LPCAT3: variants seen among roughly 807,000 people sequenced by gnomAD.
LPCAT3 encodes lysophospholipid acyltransferase 5.
In LPCAT3, 21 loss-of-function variants were observed where a neutral mutation model predicts 63.4. The ratio of observed to expected loss-of-function variants is 0.33; its 90% CI spans 0.23 to 0.48. LPCAT3 has a LOEUF of 0.48. Ranked by LOEUF, LPCAT3 falls within the 20% of genes least tolerant of loss-of-function variation. The pLI, the probability that LPCAT3 is intolerant of heterozygous loss-of-function variation, is 0.99. For synonymous variants in LPCAT3, 242 were observed against 227.5 expected (o/e 1.06, Z -0.58); for missense variants, 451 against 590.6 (o/e 0.76, Z 2.45).
intron 1 of LPCAT3, among the ~76,000 whole-genome samples, chr12:7,012,538 C>A (rs1213263420): frequency 6.6e-6 from 1 of 152,162 alleles, no homozygotes; most frequent in Non-Finnish European, 1.5e-5. Flanking sequence ...TAATAAATGC[C>A]AGCTATTACT....
chr12:7,000,805 C>G (rs1946679804), intron 1 of LPCAT3, among the ~76,000 whole-genome samples: 3 of 151,598 alleles, frequency 2.0e-5, no homozygotes, highest in African/African-American at 7.3e-5. Context: ...CTCCCGGGTT[C>G]ACGCCATTCT....
chr12:6,986,157 TTGATCAACACA>T (rs1946523963), intron 1 of LPCAT3, among the ~76,000 whole-genome samples: 9 of 152,122 alleles, frequency 5.9e-5, no homozygotes, highest in Non-Finnish European at 1.5e-5. Flanking sequence ...TAGTTGACCC[TTGATCAACACA>T]ATTTTGAACA....
intron 1 of LPCAT3, among the ~76,000 whole-genome samples, chr12:7,000,603 AAAAG>A (rs1306089173): frequency 6.6e-6 from 1 of 151,514 alleles, no homozygotes; most frequent in Non-Finnish European, 1.5e-5. Context: ...AAAAAAAAAA[AAAAG>A]CGAAAATATT....
intron 1 of LPCAT3, among the ~76,000 whole-genome samples, chr12:7,009,341 G>C (rs1204461394): frequency 2.6e-5 from 4 of 152,178 alleles, no homozygotes; most frequent in African/African-American, 9.7e-5. Context: ...GATTACAGGC[G>C]TGAGCCACCG....
chr12:7,007,470 C>T (rs1332343914), intron 1 of LPCAT3, among the ~76,000 whole-genome samples: 2 of 149,182 alleles, frequency 1.3e-5, no homozygotes, highest in Non-Finnish European at 3.0e-5. Flanking sequence ...TCAGTACTGA[C>T]AAGCATCTTT....
At chr12:7,015,906 C>G (rs2138364830) in intron 1 of LPCAT3, among the ~76,000 whole-genome samples, 1 of 152,216 alleles carries the variant, frequency 6.6e-6, no homozygotes, top group South Asian at 2.1e-4. Context: ...CAGGAGTGCA[C>G]AGGCAATATG....
chr12:7,013,307 G>A (rs1448988676), intron 1 of LPCAT3, among the ~76,000 whole-genome samples: 3 of 152,204 alleles, frequency 2.0e-5, no homozygotes, highest in Admixed American at 6.5e-5. Flanking sequence ...TGCTTGGGAC[G>A]AGGCTGGGGC....
rs782472533 is a variant in LPCAT3 at position 6,990,559 on chromosome 12, A to AAATG, written c.152-7021_152-7020insCATT. On this transcript the variant is annotated intron_variant, in intron 1 of 12. Transcript: ENST00000261407. ...TAAATAAATAAATAAATAAATAAATAAATAAATTGAGCACCCCAAACAACT... is the reference window on the plus strand; with the variant it reads ...TAAATAAATAAATAAATAAATAAATAAATGAATAAATTGAGCACCCCAAACAACT... Among the ~76,000 whole-genome samples the AAATG allele has an allele frequency of 6.3e-4, 92 of 145,772 alleles. 1 individual carries two copies. The highest frequency in any genetic ancestry group is 1.7e-3 in the Admixed American group (25 of 14,882).
chr12:7,013,660 C>T (rs984291079), intron 1 of LPCAT3, among the ~76,000 whole-genome samples: 9 of 151,834 alleles, frequency 5.9e-5, no homozygotes, highest in Non-Finnish European at 8.8e-5. Context: ...ATCTACCTTT[C>T]AAAAGGTTCC....
At chr12:6,992,321 C>T (rs1448344817) in intron 1 of LPCAT3, among the ~76,000 whole-genome samples, 4 of 151,144 alleles carry the variant, frequency 2.6e-5, no homozygotes, top group African/African-American at 9.7e-5. Flanking sequence ...TAAGACCCTG[C>T]CTCAAAAAAA....
chr12:7,000,814 C>G (rs1172308808), intron 1 of LPCAT3, among the ~76,000 whole-genome samples: 2 of 151,702 alleles, frequency 1.3e-5, no homozygotes, highest in African/African-American at 4.8e-5. Context: ...TCACGCCATT[C>G]TCCTGCCTCA....
chr12:6,981,646 G>A lies in LPCAT3; in HGVS notation c.461-14C>T, dbSNP rs1393337868. On this transcript the variant is annotated splice_polypyrimidine_tract_variant and intron_variant, in intron 4 of 12. Coordinates refer to ENST00000261407, the MANE Select transcript of LPCAT3 (RefSeq NM_005768.6). Reference sequence around the variant, plus strand: ...CAACAGCCAAACCTGAGCAGAGAGAGAACGGATGGGTAGGGTGGTGGGAGA... The same window carrying A: ...CAACAGCCAAACCTGAGCAGAGAGAAAACGGATGGGTAGGGTGGTGGGAGA... The A allele has an allele frequency of 1.3e-6, 2 of 1,596,708 alleles. No individual in the cohort carries two copies. Among genetic ancestry groups the A allele is most frequent in the Non-Finnish European group, 1.7e-6 (2 of 1,169,124 alleles).
At chr12:6,997,236 G>C (rs1003651264) in intron 1 of LPCAT3, 1 of 152,084 alleles carries the variant, frequency 6.6e-6, no homozygotes, top group South Asian at 2.1e-4. Context: ...ACTTCACTCT[G>C]TTGCCCAGGC....
At chr12:6,996,128 T>C (rs797032072) in intron 1 of LPCAT3, among the ~76,000 whole-genome samples, 3 of 151,772 alleles carry the variant, frequency 2.0e-5, no homozygotes, top group African/African-American at 7.3e-5. Flanking sequence ...CCCACTGTCC[T>C]CTGACTCATC....
chr12:7,014,673 G>A (rs1298953735), intron 1 of LPCAT3, among the ~76,000 whole-genome samples: 1 of 152,076 alleles, frequency 6.6e-6, no homozygotes, highest in Non-Finnish European at 1.5e-5. Context: ...GAGGCAGGTG[G>A]ATCACGACGT....
At chr12:6,995,290 A>G (rs782406770) in intron 1 of LPCAT3, among the ~76,000 whole-genome samples, 10 of 152,186 alleles carry the variant, frequency 6.6e-5, no homozygotes, top group African/African-American at 2.4e-4. Context: ...CCTGACCAAC[A>G]TGGTGAAACC....
intron 1 of LPCAT3, among the ~76,000 whole-genome samples, chr12:6,999,381 T>C (rs1946665806): frequency 6.6e-6 from 1 of 152,204 alleles, no homozygotes; most frequent in East Asian, 1.9e-4. Flanking sequence ...AGCTATTGGA[T>C]AGTTGTTACC....
At chr12:7,014,381 C>G (rs1224775384) in intron 1 of LPCAT3, among the ~76,000 whole-genome samples, 1 of 152,164 alleles carries the variant, frequency 6.6e-6, no homozygotes, top group Non-Finnish European at 1.5e-5. Context: ...GAGATCCAAG[C>G]TGTTGAAGGG....
At chr12:7,002,662 G>T (rs1478935937) in intron 1 of LPCAT3, among the ~76,000 whole-genome samples, 1 of 152,144 alleles carries the variant, frequency 6.6e-6, no homozygotes, top group Non-Finnish European at 1.5e-5. Context: ...TGGTTGTTGG[G>T]TTCTCTCACC....
Sources: allele counts gnomAD v4.1 joint callset (sites outside exome capture counted in the v4.1 genomes callset), GRCh38; gene constraint gnomAD v4.1.1; transcripts MANE v1.5; gene names NCBI Gene and HGNC (gene_info 2026-07-23, HGNC 2026-07-21).